Variants in CACNA1G observed in about 807,000 individuals in gnomAD.
The protein encoded by CACNA1G is calcium voltage-gated channel subunit alpha1 G.
A neutral mutation model predicts 219.4 loss-of-function variants in CACNA1G; 67 were observed. The observed-to-expected ratio is 0.31, with a 90% CI of 0.25 to 0.37. The LOEUF (loss-of-function observed/expected upper bound fraction) is 0.37, where lower values mean the gene tolerates loss of function less well. Among genes scored for constraint, CACNA1G ranks in the 10% least tolerant of loss-of-function variants. The pLI, the probability that CACNA1G is intolerant of heterozygous loss-of-function variation, is 1.00. For missense variants in CACNA1G, 2,380 were observed against 3,231.4 expected (o/e 0.74, Z 6.39); for synonymous variants, 1,296 against 1,345.3 (o/e 0.96, Z 0.80).
In CACNA1G at chr17:50,600,739, G is replaced by C. The variant is rs150972562; in HGVS notation, c.3704G>C (p.Arg1235Pro). ...TTTGTTCTGCAGAGCAAAGGGGAAC[G>C]GGTCCGCGCGTGGATCCGAGCCCGA... ...DDEGNLSKGE[R>P]VRAWIRARLP... Residue 1235 changes from arginine (R) to proline (P), a missense_variant, in exon 18 of 38, where the codon CGG (arginine) becomes CCG (proline). By Grantham distance (103) the Arg-to-Pro change is moderately radical. Coordinates refer to ENST00000359106, the MANE Select transcript of CACNA1G (RefSeq NM_018896.5). The surrounding 1 kb of genome is among the most constrained non-coding windows in gnomAD (Gnocchi z 4.1). The C allele has an allele frequency of 6.8e-6, 11 of 1,613,662 alleles. No homozygotes were observed. Among genetic ancestry groups the C allele is most frequent in the Non-Finnish European group, 9.3e-6 (11 of 1,179,788 alleles).
chr17:50,624,558 G>T, intron 37 of CACNA1G, 29 bp downstream of exon 37: 3 of 1,547,740 alleles, frequency 1.9e-6, no homozygotes, highest in Non-Finnish European at 2.6e-6. Context: ...GCAGGCACAG[G>T]CCTGGGGGCT....
intron 13 of CACNA1G, among the ~76,000 whole-genome samples, chr17:50,592,996 G>A (rs2044669861): frequency 6.6e-6 from 1 of 152,202 alleles, no homozygotes; most frequent in Non-Finnish European, 1.5e-5. Flanking sequence ...GGCCGGCTGG[G>A]TTGGTGGGGT....
rs1264295258 is a variant in CACNA1G, at chr17:50,624,429, C to T, written c.6299C>T (p.Pro2100Leu). 2 of 1,600,434 alleles carry T rather than the reference C, an allele frequency of 1.2e-6. No individual in the cohort carries two copies. Among genetic ancestry groups the T allele is most frequent in the Admixed American group, 1.7e-5 (1 of 58,680 alleles). The change falls in exon 37 of 38, where the codon CCT becomes CTT. Residue 2100 changes from proline to leucine, a missense_variant. Coordinates refer to ENST00000359106, the MANE Select transcript of CACNA1G (RefSeq NM_018896.5). ...SYILQLPKDA[P>L]HLLQPHSAPT... ...ATCCTGCAGCTTCCCAAAGATGCAC[C>T]TCATCTGCTCCAGCCCCACAGCGCC...
At position 50,596,638 on chromosome 17, in the gene CACNA1G, G is replaced by A; in HGVS notation, c.3056G>A (p.Cys1019Tyr). The A allele has an allele frequency of 1.9e-6, 3 of 1,613,950 alleles. No homozygotes were observed. Among genetic ancestry groups the A allele is most frequent in the Non-Finnish European group, 2.5e-6 (3 of 1,179,830 alleles). ...SLDGDGDRKK[C>Y]LALVSLGEHP... ...GATGGTGATGGGGACAGGAAGAAGTGCTTGGCCTGTGAGTACCTATCCTGG... is the reference window on the plus strand; with the variant it reads ...GATGGTGATGGGGACAGGAAGAAGTACTTGGCCTGTGAGTACCTATCCTGG... The change falls in exon 15 of 38, where the codon TGC becomes TAC. Residue 1019 changes from cysteine to tyrosine, a missense_variant. Physicochemically the swap from Cys to Tyr is radical, Grantham distance 194. Around this residue, in one of 17 missense-constraint regions of CACNA1G, gnomAD observed 418 missense variants for 434.3 expected, o/e 0.96. Coordinates refer to ENST00000359106, the MANE Select transcript of CACNA1G (RefSeq NM_018896.5). The surrounding 1 kb of genome is among the most constrained non-coding windows in gnomAD (Gnocchi z 4.8).
rs745634077 is a variant in CACNA1G, at chr17:50,576,036, C to A, written c.1634C>A (p.Ala545Asp). 3 of 1,568,344 alleles carry A rather than the reference C, an allele frequency of 1.9e-6. No individual in the cohort carries two copies. The highest frequency in any genetic ancestry group is 1.7e-4 in the Middle Eastern group (1 of 6,012). ...CCCTCGACGCCTGCCCTCTCCGGGG[C>A]CCCCCCTGGTGGCGCAGAGTCTGTG... ...PPPSTPALSG[A>D]PPGGAESVHS... The change falls in exon 8 of 38, where the codon GCC becomes GAC. Residue 545 changes from alanine to aspartate, a missense_variant. This residue lies in a region of CACNA1G where 434 missense variants were observed against 417.3 expected (regional missense o/e 1.04). Coordinates refer to ENST00000359106, the MANE Select transcript of CACNA1G (RefSeq NM_018896.5).
intron 9 of CACNA1G, among the ~76,000 whole-genome samples, chr17:50,579,510 C>G (rs2041459986): frequency 6.6e-6 from 1 of 152,128 alleles, no homozygotes. Flanking sequence ...GGGTTCTTTC[C>G]AGAAGTCGCT....
chr17:50,612,376 C>T (rs895307084), intron 26 of CACNA1G, among the ~76,000 whole-genome samples: 1 of 152,256 alleles, frequency 6.6e-6, no homozygotes, highest in Non-Finnish European at 1.5e-5. Context: ...CCTGGGTCCA[C>T]CCCGGCTTCC....
intron 1 of CACNA1G, among the ~76,000 whole-genome samples, chr17:50,568,232 G>T (rs1017565283): frequency 6.6e-6 from 1 of 152,088 alleles, no homozygotes; most frequent in African/African-American, 2.4e-5. Context: ...GCTATGGTGT[G>T]CAGAGGAAAC....
At position 50,615,464 on chromosome 17, in the gene CACNA1G, C is replaced by T. The variant is rs747990908; in HGVS notation, c.4863C>T (p.Ile1621=). Residue 1621 remains isoleucine (I), a synonymous_variant, in exon 27 of 38, where the codon ATC becomes ATT. Transcript: ENST00000359106. ...HYLDLFITGV[I]GLNVVTMAME... ...TGGACCTCTTCATCACAGGTGTCAT[C>T]GGGCTGAACGTGGTCACCATGGCCA... is the stretch of plus-strand genomic sequence containing the variant. 3.7e-5 allele frequency: 60 copies of T among 1,613,676 alleles called. No individual in the cohort carries two copies. The highest frequency in any genetic ancestry group is 2.2e-4 in the South Asian group (20 of 91,064).
chr17:50,606,719 C>A (rs1184435407), intron 23 of CACNA1G, among the ~76,000 whole-genome samples, 181 bp from the exon 24 acceptor site: 1 of 152,208 alleles, frequency 6.6e-6, no homozygotes, highest in African/African-American at 2.4e-5. Flanking sequence ...CCTCCAGCTG[C>A]AGCTCAGTTA....
chr17:50,619,962 G>A, intron 34 of CACNA1G, 136 bp downstream of exon 34: 1 of 865,430 alleles, frequency 1.2e-6, no homozygotes, highest in Non-Finnish European at 1.7e-6. Flanking sequence ...AGCCTCAGTT[G>A]AGTGCAAGAG....
Position 50,568,985 on chromosome 17 carries a change from A to AGTGT in CACNA1G, c.354+31_354+34dup, listed in dbSNP as rs3833150. 1,304 of 1,181,528 alleles carry AGTGT rather than the reference A, an allele frequency of 1.1e-3. 1 individual carries two copies. Among genetic ancestry groups the AGTGT allele is most frequent in the Middle Eastern group, 2.9e-3 (13 of 4,468 alleles). The allele number at this position is 1,181,528 out of a possible 1,614,324, so 73.2% of individuals were successfully genotyped here. ...CCAGCGCTGCCGGATCCTGCAGGTG[A>AGTGT]GTGTGTGTGTGTGTGTGTGTGTGTG... On this transcript the variant is annotated splice_donor_region_variant and intron_variant, in intron 2 of 37. Coordinates refer to ENST00000359106, the MANE Select transcript of CACNA1G (RefSeq NM_018896.5).
Position 50,608,531 on chromosome 17 carries a change from T to C in CACNA1G, c.4705+512T>C, listed in dbSNP as rs944984174. Among the ~76,000 whole-genome samples, 3 of 149,864 alleles carry C rather than the reference T, an allele frequency of 2.0e-5. No homozygotes were observed. In the East Asian group the frequency reaches 5.8e-4, roughly 29 times the overall value. On this transcript the variant is annotated intron_variant, in intron 25 of 37. Transcript: ENST00000359106. The stretch of plus-strand genomic sequence containing the variant: ...TAACAAAACTTTCTACCATGATATA[T>C]ATATATATATATATATATTTCTGCT...
intron 26 of CACNA1G, among the ~76,000 whole-genome samples, chr17:50,610,961 G>A (rs1374353662): frequency 1.3e-5 from 2 of 152,156 alleles, no homozygotes; most frequent in East Asian, 3.9e-4. Flanking sequence ...TGAAGTATTG[G>A]AAAGAACATA....
rs757389604 is a variant in CACNA1G at position 50,621,021 on chromosome 17, C to T, written c.5926-639C>T. Among the ~76,000 whole-genome samples the T allele has an allele frequency of 6.6e-6, 1 of 152,186 alleles. No homozygotes were observed. Among genetic ancestry groups the T allele is most frequent in the Non-Finnish European group, 1.5e-5 (1 of 68,030 alleles). ...GCAGCCCACCCGAGTGCGCCCACTTCAGGCTAACGGGAGAACATCTCCCAG... is the reference window on the plus strand; with the variant it reads ...GCAGCCCACCCGAGTGCGCCCACTTTAGGCTAACGGGAGAACATCTCCCAG... On this transcript the variant is annotated intron_variant, in intron 34 of 37. Transcript: ENST00000359106. The surrounding 1 kb of genome is among the most constrained non-coding windows in gnomAD (Gnocchi z 4.6).
At chr17:50,568,767 C>T in intron 1 of CACNA1G, 103 bp from the exon 2 acceptor site, 2 of 874,492 alleles carry the variant, frequency 2.3e-6, no homozygotes, top group Non-Finnish European at 3.7e-6. Flanking sequence ...CCTGCTTAGC[C>T]TCAGATGGAG....
At chr17:50,595,732 G>A (rs943522095) in intron 14 of CACNA1G, among the ~76,000 whole-genome samples, 18 of 152,266 alleles carry the variant, frequency 1.2e-4, no homozygotes, top group African/African-American at 3.6e-4. Context: ...GGCGAAGCCA[G>A]CATTCCTGTG....
chr17:50,583,629 G>A (rs2042398756), intron 9 of CACNA1G, among the ~76,000 whole-genome samples: 1 of 137,326 alleles, frequency 7.3e-6, no homozygotes, highest in African/African-American at 2.6e-5. Context: ...AGCCTCGAAA[G>A]ATGAATGGAA....
At chr17:50,564,622 G>A (rs1567942981) in intron 1 of CACNA1G, among the ~76,000 whole-genome samples, 1 of 152,000 alleles carries the variant, frequency 6.6e-6, no homozygotes, top group Non-Finnish European at 1.5e-5. Flanking sequence ...CTCTAGAGGG[G>A]TGGGGGCACA....
Sources: gnomAD v4.1 joint callset for allele counts (sites outside exome capture counted in the v4.1 genomes callset) on GRCh38, gnomAD v4.1.1 for gene constraint, gnomAD v4.1.1 regional missense constraint, Gnocchi (gnomAD v3.1) non-coding constraint, MANE v1.5 for transcripts, NCBI Gene and HGNC (gene_info 2026-07-23, HGNC 2026-07-21) for gene names.